PDE6A: variants seen among roughly 807,000 people sequenced by gnomAD.
The protein encoded by PDE6A is phosphodiesterase 6A.
Under a neutral mutation model 106.3 loss-of-function variants are expected in PDE6A, and 84 were observed. That is an observed-to-expected ratio of 0.79 (90% CI 0.66 to 0.95). The LOEUF is 0.95. PDE6A is among the 40% of genes least tolerant of loss of function. PDE6A has a pLI of 0.00. For missense variants in PDE6A, 1,052 were observed against 1,084.9 expected, an observed-to-expected ratio of 0.97 and a Z score of 0.43; for synonymous variants, 394 against 386.6, an observed-to-expected ratio of 1.02 and a Z score of -0.23.
At chr5:149,913,695 A>G (rs1753461095) in intron 6 of PDE6A, among the ~76,000 whole-genome samples, 1 of 152,178 alleles carries the variant, frequency 6.6e-6, no homozygotes, top group East Asian at 1.9e-4. Context: ...ACCGAATTAC[A>G]GCCTCAAGGC....
chr5:149,888,464 AAC>A (rs1264464479), intron 13 of PDE6A, among the ~76,000 whole-genome samples: 1 of 148,320 alleles, frequency 6.7e-6, no homozygotes, highest in African/African-American at 2.4e-5. Context: ...TAGAATTCTT[AAC>A]ACATAATTAA....
chr5:149,888,654 T>C (rs1397335237), intron 13 of PDE6A, among the ~76,000 whole-genome samples: 2 of 151,660 alleles, frequency 1.3e-5, no homozygotes, highest in African/African-American at 2.4e-5. Context: ...TTTGTCCTAA[T>C]GTAGGATAAC....
chr5:149,868,058 G>T (rs1389920759), intron 18 of PDE6A, 37 bp downstream of exon 18: 1 of 1,598,650 alleles, frequency 6.3e-7, no homozygotes, highest in Non-Finnish European at 8.6e-7. Flanking sequence ...CCCCAGTACT[G>T]GGATGCCCCT....
chr5:149,870,929 A>G (rs888307308), intron 17 of PDE6A, among the ~76,000 whole-genome samples: 1 of 149,156 alleles, frequency 6.7e-6, no homozygotes, highest in Non-Finnish European at 1.5e-5. Flanking sequence ...AAGAAGAAAG[A>G]AAGGAAGAGA....
intron 19 of PDE6A, 157 bp from the exon 20 acceptor site, chr5:149,866,410 A>T (rs1760333258): frequency 3.2e-6 from 2 of 623,818 alleles, no homozygotes; most frequent in East Asian, 2.8e-5. Context: ...CATGTTAAAG[A>T]ACACCATGAG....
intron 17 of PDE6A, among the ~76,000 whole-genome samples, chr5:149,880,079 A>G (rs960142458): frequency 6.6e-6 from 1 of 152,124 alleles, no homozygotes; most frequent in Non-Finnish European, 1.5e-5. Context: ...GCTGGTCACC[A>G]TTATTACTCT....
intron 8 of PDE6A, among the ~76,000 whole-genome samples, chr5:149,901,280 G>A (rs989833592): frequency 6.6e-6 from 1 of 152,158 alleles, no homozygotes; most frequent in African/African-American, 2.4e-5. Flanking sequence ...TGTAATCCCA[G>A]CACTTTGGGA....
At chr5:149,895,340 A>T (rs1269293325) in intron 12 of PDE6A, 50 bp from the exon 13 acceptor site, 1 of 1,298,914 alleles carries the variant, frequency 7.7e-7, no homozygotes, top group East Asian at 2.3e-5. Context: ...AAATGGTCTC[A>T]TGAGGGTTGG....
chr5:149,927,265 C>T (rs934508512), intron 4 of PDE6A, among the ~76,000 whole-genome samples: 2 of 152,134 alleles, frequency 1.3e-5, no homozygotes, highest in Non-Finnish European at 1.5e-5. Context: ...GCCTGCGGGA[C>T]TGAGAGTTGC....
chr5:149,864,482 T>C (rs1182741623), intron 20 of PDE6A, among the ~76,000 whole-genome samples: 1 of 152,140 alleles, frequency 6.6e-6, no homozygotes, highest in African/African-American at 2.4e-5. Flanking sequence ...CCTCAAATGA[T>C]CCACCTGCCT....
chr5:149,884,378 G>GTA (rs1187820889), intron 16 of PDE6A, 101 bp downstream of exon 16: 24 of 737,490 alleles, frequency 3.3e-5, no homozygotes, highest in Non-Finnish European at 4.8e-5. Context: ...ATATATGTGT[G>GTA]TATATATATG....
intron 19 of PDE6A, 57 bp from the exon 20 acceptor site, chr5:149,866,310 C>G: frequency 8.3e-7 from 1 of 1,202,122 alleles, no homozygotes. Context: ...CCTACCCTAT[C>G]TATGAAGCAT....
intron 21 of PDE6A, among the ~76,000 whole-genome samples, chr5:149,861,979 T>C (rs1296358996): frequency 1.3e-5 from 2 of 152,180 alleles, no homozygotes; most frequent in Non-Finnish European, 2.9e-5. Flanking sequence ...CCCGGAGTTG[T>C]GCAAAGCATA....
Position 149,860,845 on chromosome 5 carries a change from C to G in PDE6A, c.*50G>C. ...GTGGTCTTCCACTGGCTTGAGTCAT[C>G]TCTTCCCAGGAAAGGGTGGTGCCGT... is the stretch of plus-strand genomic sequence containing the variant. On this transcript the variant is annotated 3_prime_UTR_variant, in exon 22 of 22. Coordinates refer to ENST00000255266, the MANE Select transcript of PDE6A (RefSeq NM_000440.3). 6.7e-7 allele frequency: 1 copy of G among 1,494,034 alleles called. No homozygotes were observed. Among genetic ancestry groups the G allele is most frequent in the Non-Finnish European group, 9.3e-7 (1 of 1,070,978 alleles). The allele number at this position is 1,494,034 out of a possible 1,614,324, so 92.5% of individuals were successfully genotyped here. A position where few individuals can be genotyped will look rare whatever the true frequency, so the allele number is the denominator to read the frequency against.
intron 17 of PDE6A, 72 bp downstream of exon 17, chr5:149,883,357 A>C: frequency 4.1e-6 from 4 of 983,766 alleles, no homozygotes; most frequent in Non-Finnish European, 4.9e-6. Flanking sequence ...GAGGGCAGCA[A>C]GAGCTGTCAG....
chr5:149,917,446 G>A (rs1255856790), intron 5 of PDE6A, among the ~76,000 whole-genome samples: 1 of 152,182 alleles, frequency 6.6e-6, no homozygotes, highest in Non-Finnish European at 1.5e-5. Flanking sequence ...AAAGATGTCT[G>A]AAGGTCTGTT....
At chr5:149,877,274 ACAAATAGTCTGGGTC>A (rs1160547991) in intron 17 of PDE6A, among the ~76,000 whole-genome samples, 30 of 152,116 alleles carry the variant, frequency 2.0e-4, no homozygotes, top group Non-Finnish European at 3.4e-4. Flanking sequence ...AAACTCTTGA[ACAAATAGTCTGGGTC>A]CAAATAGTCT....
chr5:149,858,089 A>G lies in PDE6A; in HGVS notation c.*2806T>C, dbSNP rs1234586398. 1 of 152,246 alleles carries G rather than the reference A, an allele frequency of 6.6e-6. No homozygotes were observed. The highest frequency in any genetic ancestry group is 1.9e-4 in the East Asian group (1 of 5,204). 9.4% of individuals were successfully genotyped at this position (152,246 alleles called of 1,614,324 possible). A position where few individuals can be genotyped will look rare whatever the true frequency, so the allele number is the denominator to read the frequency against. ...AAGGTGATGACAATGGAAAAAAGGA[A>G]GGAGTACTTTGTAGATTAAAAGAGA... On this transcript the variant is annotated 3_prime_UTR_variant, in exon 22 of 22. Transcript: ENST00000255266.
chr5:149,879,325 G>A (rs143135963), intron 17 of PDE6A, among the ~76,000 whole-genome samples: 10,068 of 152,084 alleles, frequency 0.066, 389 homozygotes, highest in South Asian at 0.18. Context: ...GCCTGCCTCA[G>A]CCTCCCAAAG....
Sources: allele counts gnomAD v4.1 joint callset (sites outside exome capture counted in the v4.1 genomes callset), GRCh38; gene constraint gnomAD v4.1.1; transcripts MANE v1.5; gene names NCBI Gene and HGNC (gene_info 2026-07-23, HGNC 2026-07-21).